The following EIF4E variants were observed in gnomAD, a reference collection of about 807,000 sequenced individuals.
EIF4E encodes the protein eukaryotic translation initiation factor 4E, also known as eIF-4F 25 kDa subunit.
For missense variants in EIF4E, 113 were observed against 265.6 expected (o/e 0.43, Z 3.99); for synonymous variants, 71 against 88.5 (o/e 0.80, Z 1.11).
rs550198940 is a variant in EIF4E, at chr4:98,901,575, G to A, written c.125+301C>T. ...CTTCTTCAACAAAAGCCTCCTATAT[G>A]ATGCTAGTATCCCCGGTCTTTGTCC... On this transcript the variant is annotated intron_variant, in intron 2 of 6. Coordinates refer to ENST00000450253, the MANE Select transcript of EIF4E (RefSeq NM_001968.5). Among the ~76,000 whole-genome samples the A allele has an allele frequency of 2.0e-4, 30 of 152,312 alleles. 1 individual carries two copies. The South Asian group carries it at 6.0e-3, about 30-fold the overall frequency.
chr4:98,883,393 A>AATTTTTT (rs34903883), intron 6 of EIF4E, among the ~76,000 whole-genome samples: 1 of 103,896 alleles, frequency 9.6e-6, no homozygotes, highest in Admixed American at 1.4e-4. Flanking sequence ...TGTAAGTCAA[A>AATTTTTT]TTTTTTTTTT....
intron 3 of EIF4E, among the ~76,000 whole-genome samples, chr4:98,888,523 A>T (rs1327206175): frequency 6.6e-6 from 1 of 151,970 alleles, no homozygotes; most frequent in Non-Finnish European, 1.5e-5. Context: ...ATAAATAAAT[A>T]TAGTTACAAG....
At chr4:98,924,004 C>T (rs1345778532) in intron 1 of EIF4E, among the ~76,000 whole-genome samples, 1 of 152,006 alleles carries the variant, frequency 6.6e-6, no homozygotes, top group Non-Finnish European at 1.5e-5. Flanking sequence ...TGCTCATTTC[C>T]ACTTCTCAAA....
intron 2 of EIF4E, among the ~76,000 whole-genome samples, chr4:98,901,196 G>A (rs1259560951): frequency 6.7e-6 from 1 of 148,194 alleles, no homozygotes; most frequent in Non-Finnish European, 1.5e-5. Flanking sequence ...GACCACCACT[G>A]TCTCTTTTTT....
At chr4:98,914,025 G>A (rs1237549603) in intron 1 of EIF4E, among the ~76,000 whole-genome samples, 2 of 151,128 alleles carry the variant, frequency 1.3e-5, no homozygotes, top group African/African-American at 2.4e-5. Context: ...TACAAATGTG[G>A]AGAAAAGCAG....
At position 98,898,412 on chromosome 4, in the gene EIF4E, G is replaced by A. The variant is rs1057374853; in HGVS notation, c.125+3464C>T. ...TCATGAGGTCAGGAGTTCAAGATCAGCCTGGCCAACATGGTGAAACCCCGT... is the reference window on the plus strand; with the variant it reads ...TCATGAGGTCAGGAGTTCAAGATCAACCTGGCCAACATGGTGAAACCCCGT... On this transcript the variant is annotated intron_variant, in intron 2 of 6. Transcript: ENST00000450253. 2.0e-5 allele frequency among the ~76,000 whole-genome samples: 3 copies of A among 151,974 alleles called. No individual in the cohort carries two copies. In the East Asian group the frequency reaches 5.8e-4, roughly 29 times the overall value.
chr4:98,910,134 G>A (rs1467861655), intron 1 of EIF4E, among the ~76,000 whole-genome samples: 1 of 152,110 alleles, frequency 6.6e-6, no homozygotes, highest in Non-Finnish European at 1.5e-5. Context: ...AGGAATACCA[G>A]CTAATCTGGC....
rs112576280 is a variant in EIF4E, at chr4:98,916,254, A to T, written c.18+12841T>A. The stretch of plus-strand genomic sequence containing the variant: ...AAGATTTTGCATGTATATAACAATT[A>T]CAGGAAGCTATAAAAATGAACATTC... On this transcript the variant is annotated intron_variant, in intron 1 of 6. Transcript: ENST00000450253. Among the ~76,000 whole-genome samples the T allele has an allele frequency of 4.0e-3, 602 of 150,064 alleles. 4 individuals are homozygous for T. Among genetic ancestry groups the T allele is most frequent in the African/African-American group, 0.013 (536 of 40,354 alleles).
rs1371207323 is a variant in EIF4E at position 98,911,240 on chromosome 4, G to T, written c.19-9258C>A. On this transcript the variant is annotated intron_variant, in intron 1 of 6. Transcript: ENST00000450253. Reference sequence around the variant, plus strand: ...ATTTTTGTATTTTTAGTACAGACAGGGGTTTCACCATCTTGGCCAGACTGG... The same window carrying T: ...ATTTTTGTATTTTTAGTACAGACAGTGGTTTCACCATCTTGGCCAGACTGG... Among the ~76,000 whole-genome samples, 4 of 150,236 alleles carry T rather than the reference G, an allele frequency of 2.7e-5. No homozygotes were observed. In the East Asian group the frequency reaches 6.1e-4, roughly 23 times the overall value.
chr4:98,880,574 CA>C lies in EIF4E; in HGVS notation c.*453del, dbSNP rs2110170726. 1 of 115,272 alleles carries C rather than the reference CA, an allele frequency of 8.7e-6. No individual in the cohort carries two copies. The highest frequency in any genetic ancestry group is 3.2e-4 in the South Asian group (1 of 3,090). The allele number at this position is 115,272 out of a possible 1,614,324, so 7.1% of individuals were successfully genotyped here. A position where few individuals can be genotyped will look rare whatever the true frequency, so the allele number is the denominator to read the frequency against. ...GCAAAGACAATGCTGTAAAAAGAAACAAAGAAAATTGCTAGAAAACTGTATG... is the reference window on the plus strand; with the variant it reads ...GCAAAGACAATGCTGTAAAAAGAAACAAGAAAATTGCTAGAAAACTGTATG... On this transcript the variant is annotated 3_prime_UTR_variant, in exon 7 of 7. Coordinates refer to ENST00000450253, the MANE Select transcript of EIF4E (RefSeq NM_001968.5).
chr4:98,881,711 G>A (rs1723698995), intron 6 of EIF4E, among the ~76,000 whole-genome samples: 1 of 152,154 alleles, frequency 6.6e-6, no homozygotes, highest in African/African-American at 2.4e-5. Context: ...CACTTTGAGG[G>A]AGATTAAACA....
In EIF4E at chr4:98,901,908, T is replaced by A; in HGVS notation, c.93A>T (p.Pro31=). The change falls in exon 2 of 7, where the codon CCA becomes CCT. Residue 31 remains proline (P), a synonymous_variant. Transcript: ENST00000450253. ...GTAGGGGATGTTTAATATAGTGTTC[T>A]GGGTTAGCAACCTCCTGATTAGATT... ...KTESNQEVAN[P]EHYIKHPLQN... 6.2e-7 allele frequency: 1 copy of A among 1,612,548 alleles called. No individual in the cohort carries two copies. Among genetic ancestry groups the A allele is most frequent in the East Asian group, 2.2e-5 (1 of 44,872 alleles).
chr4:98,887,974 T>C lies in EIF4E; in HGVS notation c.222-22A>G. The C allele has an allele frequency of 1.9e-6, 3 of 1,589,960 alleles. No individual in the cohort carries two copies. The highest frequency in any genetic ancestry group is 2.6e-6 in the Non-Finnish European group (3 of 1,160,816). ...CAGACTAGGTAAAAGAAAATAACAATTAAAAACACAGAATATGTAATATAG... is the reference window on the plus strand; with the variant it reads ...CAGACTAGGTAAAAGAAAATAACAACTAAAAACACAGAATATGTAATATAG... On this transcript the variant is annotated intron_variant, in intron 3 of 6. Transcript: ENST00000450253. This position sits in a 1 kb window ranked among gnomAD's most constrained non-coding sequence, Gnocchi z 4.0.
At chr4:98,920,836 C>G (rs2110222896) in intron 1 of EIF4E, among the ~76,000 whole-genome samples, 1 of 152,268 alleles carries the variant, frequency 6.6e-6, no homozygotes, top group Non-Finnish European at 1.5e-5. Context: ...CTGGCATATT[C>G]TTTCAGTTAG....
intron 1 of EIF4E, among the ~76,000 whole-genome samples, chr4:98,923,283 G>GACAC (rs550321308): frequency 9.4e-5 from 14 of 148,346 alleles, no homozygotes; most frequent in East Asian, 3.9e-4. Context: ...TAGTATTTTA[G>GACAC]ACACACACAC....
intron 1 of EIF4E, among the ~76,000 whole-genome samples, chr4:98,927,208 C>T (rs1422582497): frequency 6.6e-6 from 1 of 152,052 alleles, no homozygotes; most frequent in Non-Finnish European, 1.5e-5. Context: ...ATTTAATTCC[C>T]AGGAACATAA....
At chr4:98,914,075 A>T (rs1725266248) in intron 1 of EIF4E, among the ~76,000 whole-genome samples, 1 of 151,798 alleles carries the variant, frequency 6.6e-6, no homozygotes, top group South Asian at 2.1e-4. Flanking sequence ...AAAAAAAAAA[A>T]AAGGCCAGGC....
Position 98,912,736 on chromosome 4 carries a change from CT to C in EIF4E, c.19-10755del, listed in dbSNP as rs1725207917. Among the ~76,000 whole-genome samples the C allele has an allele frequency of 4.6e-5, 7 of 152,208 alleles. No individual in the cohort carries two copies. The South Asian group carries it at 1.2e-3, about 27-fold the overall frequency. ...TTTCCATTTCAATTATTCCTTAAAG[CT>C]TTATAAGAAGTATTTGAAAGGCAAA... On this transcript the variant is annotated intron_variant, in intron 1 of 6. Transcript: ENST00000450253.
At chr4:98,925,679 A>C (rs75513487) in intron 1 of EIF4E, among the ~76,000 whole-genome samples, 3,043 of 152,346 alleles carry the variant, frequency 0.02, 37 homozygotes, top group South Asian at 0.027. Context: ...GTCCATAGAC[A>C]AAAATCATCC....
Sources: allele counts gnomAD v4.1 joint callset (sites outside exome capture counted in the v4.1 genomes callset), GRCh38; gene constraint gnomAD v4.1.1; non-coding constraint Gnocchi (gnomAD v3.1); transcripts MANE v1.5; gene names NCBI Gene and HGNC (gene_info 2026-07-23, HGNC 2026-07-21).